SOX11: variants seen among roughly 807,000 people sequenced by gnomAD.
The protein encoded by SOX11 is transcription factor SOX-11.
A neutral mutation model predicts 16.7 loss-of-function variants in SOX11; 5 were observed. That is an observed-to-expected ratio of 0.30 (90% confidence interval 0.16 to 0.63). SOX11 has a LOEUF of 0.63. Among genes scored for constraint, SOX11 ranks in the 20% least tolerant of loss-of-function variants. SOX11 has a pLI of 0.82. For synonymous variants in SOX11, 363 were observed against 298.8 expected (o/e 1.21, Z -2.22); for missense variants, 492 against 641.5 (o/e 0.77, Z 2.52).
At position 5,693,332 on chromosome 2, in the gene SOX11, G is replaced by T. The variant is rs764489337; in HGVS notation, c.611G>T (p.Arg204Leu). ...GACGACTACGTGCTGGGCAGCCTGC[G>T]CGTGAGCGGCTCGGGCGGCGGCGGC... ...AGDDYVLGSL[R>L]VSGSGGGGAG... Residue 204 changes from arginine (R) to leucine (L), a missense_variant, in exon 1 of 1, where the codon CGC becomes CTC. Physicochemically the swap from Arg to Leu is moderately radical, Grantham distance 102. Around this residue, in one of 4 missense-constraint regions of SOX11, gnomAD observed 389 missense variants for 389.0 expected, o/e 1.00. Transcript: ENST00000322002. The surrounding 1 kb of genome is among the most constrained non-coding windows in gnomAD (Gnocchi z 8.6). The T allele has an allele frequency of 6.3e-7, 1 of 1,590,408 alleles. No individual in the cohort carries two copies. Among genetic ancestry groups the T allele is most frequent in the Non-Finnish European group, 8.5e-7 (1 of 1,176,854 alleles).
chr2:5,699,078 A>G lies in SOX11; in HGVS notation c.*5031A>G, dbSNP rs1332173779. ...CTAATGGGCATATGTATCCTTGTGG[A>G]CACTTTGAGAGAGGTTTTCTTGGAC... On this transcript the variant is annotated 3_prime_UTR_variant, in exon 1 of 1. Coordinates refer to ENST00000322002, the MANE Select transcript of SOX11 (RefSeq NM_003108.4). 2 of 166,980 alleles carry G rather than the reference A, an allele frequency of 1.2e-5. No homozygotes were observed. The allele number at this position is 166,980 out of a possible 1,614,324, so 10.3% of individuals were successfully genotyped here.
Position 5,692,801 on chromosome 2 carries a change from T to A in SOX11, c.80T>A (p.Met27Lys). The A allele has an allele frequency of 6.2e-7, 1 of 1,612,738 alleles. No homozygotes were observed. Among genetic ancestry groups the A allele is most frequent in the Non-Finnish European group, 8.5e-7 (1 of 1,179,266 alleles). Reference sequence around the variant, plus strand: ...CTGGACACGGAGGAGGGCGAATTCATGGCTTGCAGCCCGGTGGCCCTGGAC... The same window carrying A: ...CTGGACACGGAGGAGGGCGAATTCAAGGCTTGCAGCCCGGTGGCCCTGGAC... ...EALDTEEGEF[M>K]ACSPVALDES... Residue 27 changes from methionine (M) to lysine (K), a missense_variant, in exon 1 of 1, where the codon ATG becomes AAG. Met to Lys is a moderately conservative substitution (Grantham distance 95). Transcript: ENST00000322002.
rs772309412 is a variant in SOX11, at chr2:5,693,731, G to T, written c.1010G>T (p.Arg337Leu). The stretch of plus-strand genomic sequence containing the variant: ...CCCGCGCTGTCGCCCGCGTCCTCGC[G>T]CTCGGTGTCCACCTCCTCGTCCAGC... ...AQPALSPASS[R>L]SVSTSSSSSS... is the part of the protein sequence containing the mutation. The change falls in exon 1 of 1, where the codon CGC becomes CTC. Residue 337 changes from arginine (R) to leucine (L), a missense_variant. This residue lies in a region of SOX11 where 389 missense variants were observed against 389.0 expected (regional missense o/e 1.00). Transcript: ENST00000322002. This position sits in a 1 kb window ranked among gnomAD's most constrained non-coding sequence, Gnocchi z 8.6. The T allele has an allele frequency of 6.3e-6, 10 of 1,593,568 alleles. No individual in the cohort carries two copies. Among genetic ancestry groups the T allele is most frequent in the Non-Finnish European group, 7.7e-6 (9 of 1,173,200 alleles).
Position 5,701,376 on chromosome 2 carries a change from T to A in SOX11, c.*7329T>A, listed in dbSNP as rs922453282. On this transcript the variant is annotated 3_prime_UTR_variant, in exon 1 of 1. Transcript: ENST00000322002. Reference sequence around the variant, plus strand: ...AAAAGACTCTAATAAAATTGTGTGATCAATCTTCACTTGTGGTTTTTATGT... The same window carrying A: ...AAAAGACTCTAATAAAATTGTGTGAACAATCTTCACTTGTGGTTTTTATGT... The A allele has an allele frequency of 1.8e-5, 3 of 166,968 alleles. No individual in the cohort carries two copies. The highest frequency in any genetic ancestry group is 7.2e-5 in the African/African-American group (3 of 41,464). 10.3% of individuals were successfully genotyped at this position (166,968 alleles called of 1,614,324 possible).
chr2:5,692,645 G>A lies in SOX11; in HGVS notation c.-77G>A. ...ACTTTGCAACTTGCCCAGGAAGGTG[G>A]AGGGGTGGGAGGGGGAGGGGGACCT... On this transcript the variant is annotated 5_prime_UTR_variant, in exon 1 of 1. Transcript: ENST00000322002. 1.6e-6 allele frequency: 2 copies of A among 1,251,360 alleles called. No homozygotes were observed. Among genetic ancestry groups the A allele is most frequent in the Middle Eastern group, 2.8e-4 (1 of 3,586 alleles). The allele number at this position is 1,251,360 out of a possible 1,614,324, so 77.5% of individuals were successfully genotyped here.
chr2:5,693,927 C>T lies in SOX11; in HGVS notation c.1206C>T (p.Phe402=), dbSNP rs916438305. The T allele has an allele frequency of 6.4e-6, 10 of 1,551,474 alleles. No homozygotes were observed. The highest frequency in any genetic ancestry group is 7.0e-6 in the Non-Finnish European group (8 of 1,147,022). Residue 402 remains phenylalanine, a synonymous_variant, in exon 1 of 1, where the codon TTC becomes TTT. Transcript: ENST00000322002. The surrounding 1 kb of genome is among the most constrained non-coding windows in gnomAD (Gnocchi z 8.6). ...LSLVDKDLDS[F]SEGSLGSHFE... is the part of the protein sequence containing the mutation. ...TGGTGGATAAGGATTTGGATTCGTT[C>T]AGCGAGGGCAGCCTGGGCTCCCACT...
At position 5,693,924 on chromosome 2, in the gene SOX11, G is replaced by T. The variant is rs776616435; in HGVS notation, c.1203G>T (p.Ser401=). 3.2e-6 allele frequency: 5 copies of T among 1,551,482 alleles called. No homozygotes were observed. Among genetic ancestry groups the T allele is most frequent in the South Asian group, 1.2e-5 (1 of 84,066 alleles). The change falls in exon 1 of 1, where the codon TCG becomes TCT. Residue 401 remains serine, a synonymous_variant. Coordinates refer to ENST00000322002, the MANE Select transcript of SOX11 (RefSeq NM_003108.4). This position sits in a 1 kb window ranked among gnomAD's most constrained non-coding sequence, Gnocchi z 8.6. Reference sequence around the variant, plus strand: ...CGCTGGTGGATAAGGATTTGGATTCGTTCAGCGAGGGCAGCCTGGGCTCCC... The same window carrying T: ...CGCTGGTGGATAAGGATTTGGATTCTTTCAGCGAGGGCAGCCTGGGCTCCC... ...SLSLVDKDLD[S]FSEGSLGSHF...
chr2:5,693,408 C>A lies in SOX11; in HGVS notation c.687C>A (p.Asp229Glu). 6.3e-7 allele frequency: 1 copy of A among 1,590,512 alleles called. No homozygotes were observed. ...TTCTGGATGAGGACGACGACGACGA[C>A]GACGACGACGACGAGCTGCAGCTGC... The part of the protein sequence containing the change: ...CVFLDEDDDD[D>E]DDDDELQLQI... Residue 229 changes from aspartate (D) to glutamate (E), a missense_variant, in exon 1 of 1, where the codon GAC becomes GAA. Asp to Glu is a conservative substitution (Grantham distance 45). This residue lies in a region of SOX11 where 389 missense variants were observed against 389.0 expected (regional missense o/e 1.00). Transcript: ENST00000322002. This position sits in a 1 kb window ranked among gnomAD's most constrained non-coding sequence, Gnocchi z 8.6.
Position 5,693,755 on chromosome 2 carries a change from G to A in SOX11, c.1034G>A (p.Ser345Asn), listed in dbSNP as rs1274427173. The change falls in exon 1 of 1, where the codon AGC (serine) becomes AAC (asparagine). Residue 345 changes from serine (S) to asparagine (N), a missense_variant. Transcript: ENST00000322002. This position sits in a 1 kb window ranked among gnomAD's most constrained non-coding sequence, Gnocchi z 8.6. ...CGCTCGGTGTCCACCTCCTCGTCCAGCAGCAGCGGCAGCAGCAGCGGCAGC... is the reference window on the plus strand; with the variant it reads ...CGCTCGGTGTCCACCTCCTCGTCCAACAGCAGCGGCAGCAGCAGCGGCAGC... ...SSRSVSTSSSSSSGSSSGSSG... is the reference protein window; with the variant it reads ...SSRSVSTSSSNSSGSSSGSSG... 1 of 1,579,868 alleles carries A rather than the reference G, an allele frequency of 6.3e-7. No homozygotes were observed. Among genetic ancestry groups the A allele is most frequent in the South Asian group, 1.1e-5 (1 of 87,446 alleles).
chr2:5,693,300 C>A lies in SOX11; in HGVS notation c.579C>A (p.Gly193=), dbSNP rs561060111. The part of the protein sequence containing the change: ...GKAAQSGDYG[G]AGDDYVLGSL... ...CGGCCCAGTCCGGGGACTACGGGGGCGCGGGCGACGACTACGTGCTGGGCA... is the reference window on the plus strand; with the variant it reads ...CGGCCCAGTCCGGGGACTACGGGGGAGCGGGCGACGACTACGTGCTGGGCA... The change falls in exon 1 of 1, where the codon GGC becomes GGA. Residue 193 remains glycine, a synonymous_variant. Transcript: ENST00000322002. The surrounding 1 kb of genome is among the most constrained non-coding windows in gnomAD (Gnocchi z 8.6). 30 of 1,541,238 alleles carry A rather than the reference C, an allele frequency of 1.9e-5. 2 individuals carry two copies. The African/African-American group carries it at 2.5e-4, about 13-fold the overall frequency.
In SOX11 at chr2:5,699,483, C is replaced by T. The variant is rs1490378743; in HGVS notation, c.*5436C>T. On this transcript the variant is annotated 3_prime_UTR_variant, in exon 1 of 1. Transcript: ENST00000322002. ...CTTGACATACTTTTCTGAGATTTGGCTTATTTTTATTATTGGTTATTTCTC... is the reference window on the plus strand; with the variant it reads ...CTTGACATACTTTTCTGAGATTTGGTTTATTTTTATTATTGGTTATTTCTC... 1 of 166,868 alleles carries T rather than the reference C, an allele frequency of 6.0e-6. No homozygotes were observed. The highest frequency in any genetic ancestry group is 2.4e-5 in the African/African-American group (1 of 41,452). 10.3% of individuals were successfully genotyped at this position (166,868 alleles called of 1,614,324 possible).
chr2:5,693,275 C>A lies in SOX11; in HGVS notation c.554C>A (p.Ala185Glu), dbSNP rs1195435511. The A allele has an allele frequency of 3.5e-6, 5 of 1,420,574 alleles. No homozygotes were observed. Among genetic ancestry groups the A allele is most frequent in the Non-Finnish European group, 4.6e-6 (5 of 1,097,428 alleles). 88.0% of individuals were successfully genotyped at this position (1,420,574 alleles called of 1,614,324 possible). A position where few individuals can be genotyped will look rare whatever the true frequency, so the allele number is the denominator to read the frequency against. Residue 185 changes from alanine (A) to glutamate (E), a missense_variant, in exon 1 of 1, where the codon GCG becomes GAG. Transcript: ENST00000322002. The surrounding 1 kb of genome is among the most constrained non-coding windows in gnomAD (Gnocchi z 8.6). ...AAGAKAGAGK[A>E]AQSGDYGGAG... ...GGCGCCAAGGCGGGCGCGGGCAAGG[C>A]GGCCCAGTCCGGGGACTACGGGGGC...
Position 5,693,108 on chromosome 2 carries a change from G to C in SOX11, c.387G>C (p.Ser129=). The change falls in exon 1 of 1, where the codon TCG becomes TCC. Residue 129 remains serine, a synonymous_variant. Coordinates refer to ENST00000322002, the MANE Select transcript of SOX11 (RefSeq NM_003108.4). The surrounding 1 kb of genome is among the most constrained non-coding windows in gnomAD (Gnocchi z 8.6). Reference sequence around the variant, plus strand: ...GGAAAAAGCCCAAAATGGACCCCTCGGCCAAGCCCAGCGCCAGCCAGAGCC... The same window carrying C: ...GGAAAAAGCCCAAAATGGACCCCTCCGCCAAGCCCAGCGCCAGCCAGAGCC... ...RPRKKPKMDP[S]AKPSASQSPE... 1.2e-6 allele frequency: 2 copies of C among 1,613,052 alleles called. No homozygotes were observed. The highest frequency in any genetic ancestry group is 1.7e-6 in the Non-Finnish European group (2 of 1,179,860).
rs1665827945 is a variant in SOX11 at position 5,700,973 on chromosome 2, T to G, written c.*6926T>G. On this transcript the variant is annotated 3_prime_UTR_variant, in exon 1 of 1. Transcript: ENST00000322002. Reference sequence around the variant, plus strand: ...CATGCCAGCGCACGGCCTATTGCTGTGAAACAGAGAGAAGGTAAAGCTACC... The same window carrying G: ...CATGCCAGCGCACGGCCTATTGCTGGGAAACAGAGAGAAGGTAAAGCTACC... 1 of 166,736 alleles carries G rather than the reference T, an allele frequency of 6.0e-6. No homozygotes were observed. The highest frequency in any genetic ancestry group is 1.5e-5 in the Non-Finnish European group (1 of 68,104). The allele number at this position is 166,736 out of a possible 1,614,324, so 10.3% of individuals were successfully genotyped here.
At position 5,692,850 on chromosome 2, in the gene SOX11, G is replaced by A. The variant is rs1434795736; in HGVS notation, c.129G>A (p.Lys43=). Residue 43 remains lysine (K), a synonymous_variant, in exon 1 of 1, where the codon AAG becomes AAA. Coordinates refer to ENST00000322002, the MANE Select transcript of SOX11 (RefSeq NM_003108.4). The part of the protein sequence containing the change: ...ALDESDPDWC[K]TASGHIKRPM... ...ACGAGAGCGACCCAGACTGGTGCAA[G>A]ACGGCGTCGGGCCACATCAAGCGGC... The A allele has an allele frequency of 1.2e-6, 2 of 1,613,922 alleles. No individual in the cohort carries two copies. Among genetic ancestry groups the A allele is most frequent in the Admixed American group, 3.3e-5 (2 of 60,008 alleles).
chr2:5,693,527 G>A lies in SOX11; in HGVS notation c.806G>A (p.Arg269His), dbSNP rs770223329. Reference sequence around the variant, plus strand: ...CAGCAGCCGTCGCAGCTGCTGAGACGCTACAACGTCGCCAAAGTGCCCGCC... The same window carrying A: ...CAGCAGCCGTCGCAGCTGCTGAGACACTACAACGTCGCCAAAGTGCCCGCC... ...PGQQPSQLLR[R>H]YNVAKVPASP... Residue 269 changes from arginine to histidine, a missense_variant, in exon 1 of 1, where the codon CGC (arginine) becomes CAC (histidine). By Grantham distance (29) the Arg-to-His change is conservative (BLOSUM62 0). Transcript: ENST00000322002. This position sits in a 1 kb window ranked among gnomAD's most constrained non-coding sequence, Gnocchi z 8.6. The A allele has an allele frequency of 1.2e-5, 19 of 1,571,050 alleles. No homozygotes were observed. Among genetic ancestry groups the A allele is most frequent in the Non-Finnish European group, 1.7e-6 (2 of 1,165,780 alleles).
rs780984796 is a variant in SOX11, at chr2:5,693,348, C to A, written c.627C>A (p.Gly209=). The A allele has an allele frequency of 1.3e-6, 2 of 1,589,090 alleles. No homozygotes were observed. The highest frequency in any genetic ancestry group is 8.5e-7 in the Non-Finnish European group (1 of 1,176,638). Residue 209 remains glycine (G), a synonymous_variant, in exon 1 of 1, where the codon GGC becomes GGA. Transcript: ENST00000322002. The surrounding 1 kb of genome is among the most constrained non-coding windows in gnomAD (Gnocchi z 8.6). ...GCAGCCTGCGCGTGAGCGGCTCGGG[C>A]GGCGGCGGCGCGGGCAAGACGGTCA... ...VLGSLRVSGS[G]GGGAGKTVKC...
Position 5,693,786 on chromosome 2 carries a change from C to A in SOX11, c.1065C>A (p.Gly355=), listed in dbSNP as rs759356359. The A allele has an allele frequency of 6.4e-6, 10 of 1,561,508 alleles. No individual in the cohort carries two copies. In the African/African-American group the frequency reaches 9.5e-5, roughly 15 times the overall value. ...SSSGSSSGSS[G]EDADDLMFDL... ...GCGGCAGCAGCAGCGGCAGCAGCGGCGAGGACGCCGACGACCTGATGTTCG... is the reference window on the plus strand; with the variant it reads ...GCGGCAGCAGCAGCGGCAGCAGCGGAGAGGACGCCGACGACCTGATGTTCG... The change falls in exon 1 of 1, where the codon GGC becomes GGA. Residue 355 remains glycine (G), a synonymous_variant. Transcript: ENST00000322002. The surrounding 1 kb of genome is among the most constrained non-coding windows in gnomAD (Gnocchi z 8.6).
Position 5,694,093 on chromosome 2 carries a change from G to A in SOX11, c.*46G>A. 1.3e-6 allele frequency: 2 copies of A among 1,503,566 alleles called. No individual in the cohort carries two copies. Among genetic ancestry groups the A allele is most frequent in the Middle Eastern group, 1.8e-4 (1 of 5,664 alleles). 93.1% of individuals were successfully genotyped at this position (1,503,566 alleles called of 1,614,324 possible). On this transcript the variant is annotated 3_prime_UTR_variant, in exon 1 of 1. Coordinates refer to ENST00000322002, the MANE Select transcript of SOX11 (RefSeq NM_003108.4). ...TTTCTCTCGGAGGGTGCAGAGCTGG[G>A]TTCCTTGGGAGGAAGTTGTAGTGGT... is the stretch of plus-strand genomic sequence containing the variant.
Sources: gnomAD v4.1 joint callset for allele counts on GRCh38, gnomAD v4.1.1 for gene constraint, gnomAD v4.1.1 regional missense constraint, Gnocchi (gnomAD v3.1) non-coding constraint, MANE v1.5 for transcripts, NCBI Gene and HGNC (gene_info 2026-07-23, HGNC 2026-07-21) for gene names.